NUDT11: variants seen among roughly 807,000 people sequenced by gnomAD.
NUDT11 encodes the protein diphosphoinositol polyphosphate phosphohydrolase 3-beta.
In NUDT11, 1 loss-of-function variant was observed where a neutral mutation model predicts 10.0. The observed-to-expected ratio is 0.10, with a 90% CI of 0.04 to 0.47. NUDT11 has a LOEUF of 0.47. Among genes scored for constraint, NUDT11 ranks in the 20% least tolerant of loss-of-function variants. NUDT11 has a pLI of 0.96. For missense variants in NUDT11, 47 were observed against 140.4 expected (o/e 0.33, Z 3.36); for synonymous variants, 63 against 65.9 (o/e 0.96, Z 0.21).
At chrX:51,493,213 C>T (rs897895773) in intron 1 of NUDT11, among the ~76,000 whole-genome samples, 2 of 112,063 alleles carry the variant, frequency 1.8e-5, no homozygotes, top group African/African-American at 6.5e-5. Flanking sequence ...GAATAAAACA[C>T]TTGACCAGCT....
At chrX:51,495,721 G>A (rs781837985) in intron 1 of NUDT11, among the ~76,000 whole-genome samples, 5 of 110,517 alleles carry the variant, frequency 4.5e-5, no homozygotes, top group Admixed American at 9.6e-5. Flanking sequence ...ATTTTACAGT[G>A]TAACCAAGAA....
rs192354530 is a variant in NUDT11, at chrX:51,496,319, C to T, written c.126G>A (p.Pro42=). Residue 42 remains proline, a synonymous_variant, in exon 1 of 2, where the codon CCG becomes CCA. Coordinates refer to ENST00000375992, the MANE Select transcript of NUDT11 (RefSeq NM_018159.4). ...EVLLVSSSRY[P]DRWIVPGGGM... ...CCCCGCCCGGCACGATCCAGCGGTCCGGGTACCGGCTGCTACTCACTAACA... is the reference window on the plus strand; with the variant it reads ...CCCCGCCCGGCACGATCCAGCGGTCTGGGTACCGGCTGCTACTCACTAACA... 1,054 of 1,205,776 alleles carry T rather than the reference C, an allele frequency of 8.7e-4. 7 individuals are homozygous for T. The African/African-American group carries it at 0.017, about 19-fold the overall frequency.
Position 51,496,244 on chromosome X carries a change from G to A in NUDT11, c.201C>T (p.Tyr67=), listed in dbSNP as rs61729271. The A allele has an allele frequency of 6.6e-6, 8 of 1,209,019 alleles. No homozygotes were observed. The highest frequency in any genetic ancestry group is 1.8e-5 in the South Asian group (1 of 56,657). ...ACTTCCCCTTGACTCCCGCTTCTTCGTACACCTCTCGGACCGCCGCACCGC... is the reference window on the plus strand; with the variant it reads ...ACTTCCCCTTGACTCCCGCTTCTTCATACACCTCTCGGACCGCCGCACCGC... ...EPGGAAVREV[Y]EEAGVKGKLG... Residue 67 remains tyrosine, a synonymous_variant, in exon 1 of 2, where the codon TAC becomes TAT. Coordinates refer to ENST00000375992, the MANE Select transcript of NUDT11 (RefSeq NM_018159.4).
At chrX:51,493,719 T>C (rs1925641860) in intron 1 of NUDT11, among the ~76,000 whole-genome samples, 1 of 109,683 alleles carries the variant, frequency 9.1e-6, no homozygotes, top group African/African-American at 3.3e-5. Flanking sequence ...CCTTGAAAAG[T>C]AACACTACAT....
At chrX:51,495,107 G>C (rs183439581) in intron 1 of NUDT11, among the ~76,000 whole-genome samples, 1 of 111,983 alleles carries the variant, frequency 8.9e-6, no homozygotes, top group Non-Finnish European at 1.9e-5. Flanking sequence ...GATGTGTTTG[G>C]CTAGCAGATC....
Position 51,496,406 on chromosome X carries a change from G to C in NUDT11, c.39C>G (p.Pro13=). 8.3e-7 allele frequency: 1 copy of C among 1,209,303 alleles called. No individual in the cohort carries two copies. The highest frequency in any genetic ancestry group is 1.1e-6 in the Non-Finnish European group (1 of 894,620). ...CKPNQTRTYD[P]EGFKKRAACL... The stretch of plus-strand genomic sequence containing the variant: ...ACGCCGCCCGCTTCTTGAACCCCTC[G>C]GGGTCGTAGGTCCGCGTCTGGTTGG... The change falls in exon 1 of 2, where the codon CCC becomes CCG. Residue 13 remains proline, a synonymous_variant. Transcript: ENST00000375992.
Position 51,496,582 on chromosome X carries a change from C to T in NUDT11, c.-138G>A. The T allele has an allele frequency of 9.8e-7, 1 of 1,023,586 alleles. No homozygotes were observed. Among genetic ancestry groups the T allele is most frequent in the Non-Finnish European group, 1.3e-6 (1 of 776,190 alleles). 84.4% of individuals were successfully genotyped at this position (1,023,586 alleles called of 1,213,427 possible). On this transcript the variant is annotated 5_prime_UTR_variant, in exon 1 of 2. Coordinates refer to ENST00000375992, the MANE Select transcript of NUDT11 (RefSeq NM_018159.4). ...GAGGCGAGGGGCGGGGAAAGAGAGG[C>T]GCCTCCGTCTGCCCGCGAGCCCGGG...
chrX:51,490,784 G>C lies in NUDT11; in HGVS notation c.*965C>G, dbSNP rs1373139030. The C allele has an allele frequency of 8.9e-6, 1 of 111,863 alleles. No homozygotes were observed. Among genetic ancestry groups the C allele is most frequent in the Non-Finnish European group, 1.9e-5 (1 of 53,250 alleles). 9.2% of individuals were successfully genotyped at this position (111,863 alleles called of 1,213,427 possible). ...AAACTACAGCCAAATGGATCAGTGA[G>C]AGAGGCAAAAGAAATCTAGACAAAC... On this transcript the variant is annotated 3_prime_UTR_variant, in exon 2 of 2. Transcript: ENST00000375992.
At position 51,490,281 on chromosome X, in the gene NUDT11, T is replaced by C. The variant is rs1925565278; in HGVS notation, c.*1468A>G. On this transcript the variant is annotated 3_prime_UTR_variant, in exon 2 of 2. Coordinates refer to ENST00000375992, the MANE Select transcript of NUDT11 (RefSeq NM_018159.4). ...ATAACCACAGTACCATATCACATCT[T>C]AAAAAACAATAAATCAAGAAGTTAT... 4 of 111,927 alleles carry C rather than the reference T, an allele frequency of 3.6e-5. No individual in the cohort carries two copies. The highest frequency in any genetic ancestry group is 2.8e-4 in the Admixed American group (3 of 10,556). The allele number at this position is 111,927 out of a possible 1,213,427, so 9.2% of individuals were successfully genotyped here.
In NUDT11 at chrX:51,491,504, A is replaced by T. The variant is rs1269148321; in HGVS notation, c.*245T>A. 3.8e-5 allele frequency: 13 copies of T among 342,810 alleles called. No individual in the cohort carries two copies. The highest frequency in any genetic ancestry group is 1.9e-4 in the South Asian group (2 of 10,669). The allele number at this position is 342,810 out of a possible 1,213,427, so 28.3% of individuals were successfully genotyped here. ...ATCATAGTCTAATGAAGGCAGACAC[A>T]TCAAAAAAGCACAACAAAAGGCTAT... On this transcript the variant is annotated 3_prime_UTR_variant, in exon 2 of 2. Coordinates refer to ENST00000375992, the MANE Select transcript of NUDT11 (RefSeq NM_018159.4).
At position 51,495,107 on chromosome X, in the gene NUDT11, G is replaced by A. The variant is rs183439581; in HGVS notation, c.494+844C>T. On this transcript the variant is annotated intron_variant, in intron 1 of 1. Transcript: ENST00000375992. ...CGGTTTTTCTGATAAGATGTGTTTG[G>A]CTAGCAGATCCTCCGCAGCATCTAT... 1.4e-3 allele frequency among the ~76,000 whole-genome samples: 152 copies of A among 112,035 alleles called. 1 individual carries two copies. The highest frequency in any genetic ancestry group is 1.4e-3 in the East Asian group (5 of 3,566).
intron 1 of NUDT11, among the ~76,000 whole-genome samples, chrX:51,493,008 G>T (rs922274439): frequency 8.0e-5 from 9 of 112,445 alleles, no homozygotes; most frequent in Admixed American, 5.7e-4. Flanking sequence ...TGTTGCAAAT[G>T]AATCTATGCA....
Position 51,496,070 on chromosome X carries a change from G to A in NUDT11, c.375C>T (p.Ala125=), listed in dbSNP as rs1557326629. The change falls in exon 1 of 2, where the codon GCC becomes GCT. Residue 125 remains alanine (A), a synonymous_variant. Transcript: ENST00000375992. ...RKREWFKVED[A]IKVLQCHKPV... The stretch of plus-strand genomic sequence containing the variant: ...GCTTGTGGCACTGGAGAACCTTGAT[G>A]GCATCTTCGACTTTGAACCACTCTC... 1.6e-5 allele frequency: 19 copies of A among 1,209,125 alleles called. No individual in the cohort carries two copies. Among genetic ancestry groups the A allele is most frequent in the Non-Finnish European group, 2.1e-5 (19 of 894,447 alleles).
intron 1 of NUDT11, 122 bp downstream of exon 1, chrX:51,495,829 G>A: frequency 1.9e-6 from 2 of 1,034,502 alleles, no homozygotes; most frequent in South Asian, 2.4e-5. Context: ...GTCTGCCAAG[G>A]AAACAAAAGA....
In NUDT11 at chrX:51,490,223, C is replaced by A. The variant is rs1204773682; in HGVS notation, c.*1526G>T. ...TTTCACCTGTACATTTTTCAGTATA[C>A]TTCTCTAAAAGATAATCATTTTTTA... On this transcript the variant is annotated 3_prime_UTR_variant, in exon 2 of 2. Coordinates refer to ENST00000375992, the MANE Select transcript of NUDT11 (RefSeq NM_018159.4). The A allele has an allele frequency of 9.0e-6, 1 of 111,432 alleles. No individual in the cohort carries two copies. Among genetic ancestry groups the A allele is most frequent in the Non-Finnish European group, 1.9e-5 (1 of 53,108 alleles). The allele number at this position is 111,432 out of a possible 1,213,427, so 9.2% of individuals were successfully genotyped here. A position where few individuals can be genotyped will look rare whatever the true frequency, so the allele number is the denominator to read the frequency against.
At chrX:51,493,173 T>C (rs1557326346) in intron 1 of NUDT11, among the ~76,000 whole-genome samples, 1 of 112,405 alleles carries the variant, frequency 8.9e-6, no homozygotes, top group East Asian at 2.8e-4. Context: ...TATGCATCTA[T>C]ATTAATGTTT....
intron 1 of NUDT11, among the ~76,000 whole-genome samples, chrX:51,492,271 T>C (rs557587902): frequency 1.8e-5 from 2 of 112,004 alleles, no homozygotes; most frequent in Admixed American, 1.9e-4. Flanking sequence ...CGTCAGATAG[T>C]TAGATAACTT....
At position 51,496,043 on chromosome X, in the gene NUDT11, G is replaced by A; in HGVS notation, c.402C>T (p.Pro134=). 1.7e-6 allele frequency: 2 copies of A among 1,209,966 alleles called. No individual in the cohort carries two copies. The highest frequency in any genetic ancestry group is 3.0e-5 in the East Asian group (1 of 33,777). ...DAIKVLQCHK[P]VHAEYLEKLK... The stretch of plus-strand genomic sequence containing the variant: ...GTTTCTCCAGATATTCGGCGTGCAC[G>A]GGCTTGTGGCACTGGAGAACCTTGA... Residue 134 remains proline, a synonymous_variant, in exon 1 of 2, where the codon CCC becomes CCT. Coordinates refer to ENST00000375992, the MANE Select transcript of NUDT11 (RefSeq NM_018159.4).
intron 1 of NUDT11, among the ~76,000 whole-genome samples, chrX:51,493,991 T>C (rs1011250887): frequency 8.9e-6 from 1 of 111,966 alleles, no homozygotes; most frequent in Non-Finnish European, 1.9e-5. Flanking sequence ...CAATCTAGTA[T>C]ACCTCCTAGG....
Sources: gnomAD v4.1 joint callset for allele counts (sites outside exome capture counted in the v4.1 genomes callset) on GRCh38, gnomAD v4.1.1 for gene constraint, MANE v1.5 for transcripts, NCBI Gene and HGNC (gene_info 2026-07-23, HGNC 2026-07-21) for gene names.